The following UGT3A1 variants were observed in gnomAD, a reference collection of about 807,000 sequenced individuals.
UGT3A1 encodes UDP-glycosyltransferase 3A1.
In UGT3A1, 40 loss-of-function variants were observed where a neutral mutation model predicts 37.6. The ratio of observed to expected loss-of-function variants is 1.06; its 90% CI spans 0.83 to 1.38. The LOEUF (loss-of-function observed/expected upper bound fraction) is 1.38, where lower values mean the gene tolerates loss of function less well. UGT3A1 is among the 40% of genes most tolerant of loss of function. UGT3A1 has a pLI of 0.00. For synonymous variants in UGT3A1, 256 were observed against 232.3 expected (o/e 1.10, Z -0.93); for missense variants, 642 against 634.2 (o/e 1.01, Z -0.13).
intron 2 of UGT3A1, among the ~76,000 whole-genome samples, chr5:35,983,738 T>C (rs1740621769): frequency 6.6e-6 from 1 of 152,082 alleles, no homozygotes; most frequent in Non-Finnish European, 1.5e-5. Context: ...GCAAGAGTAG[T>C]TCAACATATG....
intron 1 of UGT3A1, among the ~76,000 whole-genome samples, chr5:35,998,782 A>C (rs1022331811): frequency 1.3e-5 from 2 of 152,198 alleles, no homozygotes; most frequent in Non-Finnish European, 2.9e-5. Flanking sequence ...AGATCAGCTC[A>C]AGTGGAGTTG....
chr5:35,957,969 C>T (rs73076122), intron 4 of UGT3A1, among the ~76,000 whole-genome samples: 21,944 of 152,060 alleles, frequency 0.14, 1,672 homozygotes, highest in African/African-American at 0.19. Context: ...AATGGGGTAT[C>T]GAAGTCCCAA....
intron 1 of UGT3A1, among the ~76,000 whole-genome samples, chr5:35,998,174 G>C (rs989771198): frequency 1.3e-5 from 2 of 148,852 alleles, no homozygotes; most frequent in African/African-American, 4.9e-5. Context: ...TGATGCCTCA[G>C]CTTTAGAAAA....
chr5:35,975,403 G>A (rs1014955141), intron 2 of UGT3A1, among the ~76,000 whole-genome samples: 18 of 152,188 alleles, frequency 1.2e-4, no homozygotes, highest in African/African-American at 4.3e-4. Context: ...GAAAGAGATA[G>A]AGCTTTATTC....
chr5:35,983,635 T>C (rs564042765), intron 2 of UGT3A1, among the ~76,000 whole-genome samples: 41 of 152,148 alleles, frequency 2.7e-4, no homozygotes, highest in African/African-American at 9.9e-4. Flanking sequence ...TGAAGATAGA[T>C]GCAAAAATCC....
chr5:35,995,364 C>T (rs1741070925), upstream of UGT3A1, among the ~76,000 whole-genome samples: 1 of 152,302 alleles, frequency 6.6e-6, no homozygotes, highest in South Asian at 2.1e-4. Context: ...CTCTCATGAT[C>T]GCCCCATTTC....
At chr5:35,968,942 C>G (rs1418231047) in intron 2 of UGT3A1, among the ~76,000 whole-genome samples, 1 of 152,166 alleles carries the variant, frequency 6.6e-6, no homozygotes, top group Non-Finnish European at 1.5e-5. Flanking sequence ...TTCAGTAGCC[C>G]TGGATCATGT....
intron 1 of UGT3A1, among the ~76,000 whole-genome samples, chr5:35,999,672 G>A (rs1306384213): frequency 6.6e-6 from 1 of 152,148 alleles, no homozygotes; most frequent in Admixed American, 6.5e-5. Context: ...ACTGGAAACC[G>A]TCCTTCATGG....
chr5:35,988,566 C>T lies in UGT3A1; in HGVS notation c.95-15G>A, dbSNP rs1000084317. On this transcript the variant is annotated splice_polypyrimidine_tract_variant and intron_variant, in intron 1 of 6. Coordinates refer to ENST00000274278, the MANE Select transcript of UGT3A1 (RefSeq NM_152404.4). ...ATGGCTTCCACCTAGAAACAATGCA[C>T]AATGTCTTTTGTAAAGATGAAAATA... 2.5e-6 allele frequency: 4 copies of T among 1,580,396 alleles called. No individual in the cohort carries two copies. Among genetic ancestry groups the T allele is most frequent in the Admixed American group, 1.8e-5 (1 of 55,872 alleles).
rs765264738 is a variant in UGT3A1, at chr5:35,953,523, C to T, written c.*679G>A. ...CCACTGGTACCTGAAGCCACAAAGC[C>T]TTACACATGGATTTCCACTTCACTA... is the stretch of plus-strand genomic sequence containing the variant. On this transcript the variant is annotated 3_prime_UTR_variant, in exon 7 of 7. Coordinates refer to ENST00000274278, the MANE Select transcript of UGT3A1 (RefSeq NM_152404.4). 4 of 152,406 alleles carry T rather than the reference C, an allele frequency of 2.6e-5. No individual in the cohort carries two copies. Among genetic ancestry groups the T allele is most frequent in the Admixed American group, 6.5e-5 (1 of 15,288 alleles). The allele number at this position is 152,406 out of a possible 1,614,324, so 9.4% of individuals were successfully genotyped here. A position where few individuals can be genotyped will look rare whatever the true frequency, so the allele number is the denominator to read the frequency against.
intron 1 of UGT3A1, among the ~76,000 whole-genome samples, chr5:35,998,718 A>G (rs1436292288): frequency 6.6e-6 from 1 of 152,154 alleles, no homozygotes; most frequent in African/African-American, 2.4e-5. Flanking sequence ...TTAGAGCAGG[A>G]TATGCTGTGG....
Position 35,953,554 on chromosome 5 carries a change from G to A in UGT3A1, c.*648C>T, listed in dbSNP as rs986158833. The A allele has an allele frequency of 6.6e-6, 1 of 152,364 alleles. No homozygotes were observed. The highest frequency in any genetic ancestry group is 1.5e-5 in the Non-Finnish European group (1 of 68,070). The allele number at this position is 152,364 out of a possible 1,614,324, so 9.4% of individuals were successfully genotyped here. A position where few individuals can be genotyped will look rare whatever the true frequency, so the allele number is the denominator to read the frequency against. The stretch of plus-strand genomic sequence containing the variant: ...CATGGATTTCCACTTCACTACTTGA[G>A]GTTCCCTGTACTCCATTTATAAGAC... On this transcript the variant is annotated 3_prime_UTR_variant, in exon 7 of 7. Coordinates refer to ENST00000274278, the MANE Select transcript of UGT3A1 (RefSeq NM_152404.4).
intron 1 of UGT3A1, among the ~76,000 whole-genome samples, chr5:36,000,771 C>T (rs1741205463): frequency 6.6e-6 from 1 of 152,200 alleles, no homozygotes; most frequent in South Asian, 2.1e-4. Context: ...AACAGCAACT[C>T]CTGTCTTAGA....
intron 4 of UGT3A1, 93 bp from the exon 5 acceptor site, chr5:35,957,512 TC>T: frequency 1.0e-6 from 1 of 996,230 alleles, no homozygotes. Context: ...AAACATACCC[TC>T]CCATCAGTGC....
intron 3 of UGT3A1, among the ~76,000 whole-genome samples, chr5:35,966,548 G>A (rs908582295): frequency 6.6e-6 from 1 of 152,096 alleles, no homozygotes; most frequent in Non-Finnish European, 1.5e-5. Flanking sequence ...CTTCATGCTG[G>A]CTGGAACATG....
intron 2 of UGT3A1, among the ~76,000 whole-genome samples, chr5:35,971,907 A>T (rs1740056135): frequency 6.6e-6 from 1 of 152,148 alleles, no homozygotes; most frequent in African/African-American, 2.4e-5. Flanking sequence ...ACTGTTGCAA[A>T]TAGTGGGGTG....
upstream of UGT3A1, among the ~76,000 whole-genome samples, chr5:35,992,919 C>T (rs373782313): frequency 3.3e-5 from 5 of 152,176 alleles, no homozygotes; most frequent in East Asian, 9.7e-4. Context: ...CTTTTGGTTC[C>T]TAAATAAGAT....
intron 2 of UGT3A1, among the ~76,000 whole-genome samples, chr5:35,969,082 A>G (rs771215616): frequency 4.6e-5 from 7 of 152,266 alleles, no homozygotes; most frequent in Non-Finnish European, 8.8e-5. Flanking sequence ...TCCCAATCAT[A>G]TATCACCTCC....
chr5:35,976,105 G>A (rs1294831379), intron 2 of UGT3A1, among the ~76,000 whole-genome samples: 2 of 152,022 alleles, frequency 1.3e-5, no homozygotes, highest in Admixed American at 1.3e-4. Flanking sequence ...TAGGATTTTA[G>A]TTCCAAAGGA....
Sources: gnomAD v4.1 joint callset for allele counts (sites outside exome capture counted in the v4.1 genomes callset) on GRCh38, gnomAD v4.1.1 for gene constraint, MANE v1.5 for transcripts, NCBI Gene and HGNC (gene_info 2026-07-23, HGNC 2026-07-21) for gene names.